MEI4: variants seen among roughly 807,000 people sequenced by gnomAD.
The protein encoded by MEI4 is meiosis-specific protein MEI4.
Under a neutral mutation model 31.4 loss-of-function variants are expected in MEI4, and 27 were observed. The ratio of observed to expected loss-of-function variants is 0.86; its 90% CI spans 0.63 to 1.19. MEI4 has a LOEUF of 1.19. MEI4 is among the 50% of genes most tolerant of loss of function. MEI4 has a pLI of 0.00. For missense variants in MEI4, 329 were observed against 398.9 expected (o/e 0.82, Z 1.49); for synonymous variants, 122 against 145.4 (o/e 0.84, Z 1.16).
chr6:77,662,226 TGATA>T (rs1768526588), intron 1 of MEI4, among the ~76,000 whole-genome samples: 2 of 152,128 alleles, frequency 1.3e-5, no homozygotes, highest in Non-Finnish European at 2.9e-5. Flanking sequence ...GTAGCCTCAA[TGATA>T]GATGTGGAAG....
chr6:77,714,463 A>AG (rs1766535856), intron 2 of MEI4, among the ~76,000 whole-genome samples: 1 of 152,190 alleles, frequency 6.6e-6, no homozygotes, highest in South Asian at 2.1e-4. Flanking sequence ...ACTGTGAAAA[A>AG]CAACATTTCC....
intron 2 of MEI4, among the ~76,000 whole-genome samples, chr6:77,734,660 G>C (rs145086570): frequency 0.021 from 3,211 of 151,806 alleles, 167 homozygotes; most frequent in African/African-American, 0.074. Context: ...ATTATTATGT[G>C]TGAATTTGAT....
At chr6:77,825,873 A>G (rs1459697886) in intron 3 of MEI4, among the ~76,000 whole-genome samples, 1 of 152,182 alleles carries the variant, frequency 6.6e-6, no homozygotes, top group Non-Finnish European at 1.5e-5. Flanking sequence ...TAGTAGGGTT[A>G]AGTGCTGTGG....
intron 2 of MEI4, among the ~76,000 whole-genome samples, chr6:77,731,062 A>G (rs1766974037): frequency 6.6e-6 from 1 of 151,984 alleles, no homozygotes; most frequent in Non-Finnish European, 1.5e-5. Context: ...AGCCTTTGCT[A>G]GTGTGACTAG....
chr6:77,684,201 C>CAG (rs147282848), intron 1 of MEI4, among the ~76,000 whole-genome samples: 2 of 5,976 alleles, frequency 3.3e-4, no homozygotes, highest in African/African-American at 2.5e-3. Context: ...ATGTATTTTG[C>CAG]ATTTTTAGTT....
intron 3 of MEI4, among the ~76,000 whole-genome samples, chr6:77,808,897 C>A (rs1769505213): frequency 6.6e-6 from 1 of 152,144 alleles, no homozygotes; most frequent in South Asian, 2.1e-4. Context: ...GGTCATTATA[C>A]TCCTGCATTG....
chr6:77,896,503 T>C (rs1406844505), intron 4 of MEI4, among the ~76,000 whole-genome samples: 1 of 152,040 alleles, frequency 6.6e-6, no homozygotes, highest in Non-Finnish European at 1.5e-5. Context: ...CCAGAGAATA[T>C]GTTTAAATAA....
At chr6:77,711,352 G>A (rs908753397) in intron 2 of MEI4, among the ~76,000 whole-genome samples, 1 of 151,988 alleles carries the variant, frequency 6.6e-6, no homozygotes, top group Non-Finnish European at 1.5e-5. Flanking sequence ...ATGTGTGTGT[G>A]TATATATATG....
intron 1 of MEI4, among the ~76,000 whole-genome samples, chr6:77,686,166 G>A (rs889389172): frequency 3.3e-5 from 5 of 152,128 alleles, no homozygotes; most frequent in East Asian, 1.9e-4. Flanking sequence ...AGCTGGCACC[G>A]TGCCTCTCTA....
chr6:77,658,408 A>G (rs1435712227), intron 1 of MEI4, among the ~76,000 whole-genome samples: 4 of 152,298 alleles, frequency 2.6e-5, no homozygotes, highest in Middle Eastern at 3.4e-3. Flanking sequence ...ATCTGGATGT[A>G]TACGTGCAAG....
intron 4 of MEI4, among the ~76,000 whole-genome samples, chr6:77,848,602 C>T (rs1057171110): frequency 6.6e-5 from 10 of 152,100 alleles, no homozygotes; most frequent in African/African-American, 9.7e-5. Context: ...GCCAGGACCT[C>T]GGGGAAAGTG....
chr6:77,672,817 C>T (rs6929981), intron 1 of MEI4, among the ~76,000 whole-genome samples: 3 of 152,010 alleles, frequency 2.0e-5, no homozygotes, highest in Non-Finnish European at 4.4e-5. Context: ...GGATTACAGG[C>T]GTGAGCCACC....
At chr6:77,801,495 T>G (rs1769257410) in intron 3 of MEI4, among the ~76,000 whole-genome samples, 1 of 152,208 alleles carries the variant, frequency 6.6e-6, no homozygotes, top group Non-Finnish European at 1.5e-5. Context: ...CCTTCAGTTC[T>G]GCTCTGATCT....
chr6:77,843,478 G>A (rs544038189), intron 4 of MEI4, among the ~76,000 whole-genome samples: 200 of 151,280 alleles, frequency 1.3e-3, no homozygotes, highest in Non-Finnish European at 2.2e-3. Context: ...CAAAGCCATA[G>A]ACCATTTGAG....
intron 3 of MEI4, among the ~76,000 whole-genome samples, chr6:77,819,599 C>T (rs1769768847): frequency 6.6e-6 from 1 of 152,070 alleles, no homozygotes; most frequent in Admixed American, 6.6e-5. Flanking sequence ...TTCACCCTGT[C>T]CTTTCTTTCA....
intron 2 of MEI4, among the ~76,000 whole-genome samples, chr6:77,701,404 G>T (rs1292533269): frequency 6.6e-6 from 1 of 152,058 alleles, no homozygotes; most frequent in South Asian, 2.1e-4. Flanking sequence ...GGCAGATTTA[G>T]GATTAAAATT....
At chr6:77,792,609 G>T (rs1237047775) in intron 3 of MEI4, among the ~76,000 whole-genome samples, 1 of 151,672 alleles carries the variant, frequency 6.6e-6, no homozygotes, top group Non-Finnish European at 1.5e-5. Context: ...TACATTTTTT[G>T]TCTTATGTTT....
chr6:77,912,696 AAG>A (rs1357785363), intron 4 of MEI4, among the ~76,000 whole-genome samples: 3 of 152,098 alleles, frequency 2.0e-5, no homozygotes, highest in African/African-American at 4.8e-5. Context: ...TATTAGATCT[AAG>A]AGTTTTTGGT....
At chr6:77,686,479 A>AT (rs1411106672) in intron 1 of MEI4, among the ~76,000 whole-genome samples, 1 of 150,222 alleles carries the variant, frequency 6.7e-6, no homozygotes, top group Non-Finnish European at 1.5e-5. Flanking sequence ...ATGTCTGTAG[A>AT]TTTTTTTAAT....
Sources: allele counts gnomAD v4.1 joint callset (sites outside exome capture counted in the v4.1 genomes callset), GRCh38; gene constraint gnomAD v4.1.1; transcripts MANE v1.5; gene names NCBI Gene and HGNC (gene_info 2026-07-23, HGNC 2026-07-21).